Variants in AK9 observed in about 807,000 individuals in gnomAD.
The protein encoded by AK9 is adenylate kinase 9.
Under a neutral mutation model 239.6 loss-of-function variants are expected in AK9, and 191 were observed. That is an observed-to-expected ratio of 0.80 (90% confidence interval 0.71 to 0.90). The LOEUF (loss-of-function observed/expected upper bound fraction) is 0.90, where lower values mean the gene tolerates loss of function less well. Among genes scored for constraint, AK9 ranks in the 40% least tolerant of loss-of-function variants. The pLI, the probability that AK9 is intolerant of heterozygous loss-of-function variation, is 0.00. For synonymous variants in AK9, 689 were observed against 721.0 expected, an observed-to-expected ratio of 0.96 and a Z score of 0.71; for missense variants, 1,995 against 2,214.7, an observed-to-expected ratio of 0.90 and a Z score of 1.99.
At chr6:109,567,077 A>G (rs1009155915) in intron 21 of AK9, among the ~76,000 whole-genome samples, 1 of 152,200 alleles carries the variant, frequency 6.6e-6, no homozygotes, top group Admixed American at 6.5e-5. Flanking sequence ...AATAACTAAG[A>G]TCAGAGCAGA....
At chr6:109,600,850 T>C (rs989654000) in intron 17 of AK9, among the ~76,000 whole-genome samples, 2 of 152,254 alleles carry the variant, frequency 1.3e-5, no homozygotes, top group African/African-American at 4.8e-5. Flanking sequence ...TTCTAAATTT[T>C]CTAGTTTATT....
intron 6 of AK9, chr6:109,660,861 G>T: frequency 2.4e-6 from 1 of 418,124 alleles, no homozygotes; most frequent in Non-Finnish European, 4.7e-6. Context: ...CTAAGCTTCT[G>T]GGTGCTGTTG....
In AK9 at chr6:109,495,335, A is replaced by T; in HGVS notation, c.5418+3T>A. On this transcript the variant is annotated splice_donor_region_variant and intron_variant, in intron 39 of 40. Coordinates refer to ENST00000424296, the MANE Select transcript of AK9 (RefSeq NM_001145128.3). The stretch of plus-strand genomic sequence containing the variant: ...TATATAACAGAAAATTAAGTAAAAG[A>T]ACCTGTTCCAGATATCCAGGCAAAG... 1 of 1,601,780 alleles carries T rather than the reference A, an allele frequency of 6.2e-7. No individual in the cohort carries two copies. Among genetic ancestry groups the T allele is most frequent in the Non-Finnish European group, 8.5e-7 (1 of 1,171,464 alleles).
chr6:109,585,058 C>A, intron 19 of AK9, 65 bp downstream of exon 19: 1 of 905,816 alleles, frequency 1.1e-6, no homozygotes, highest in South Asian at 5.0e-5. Context: ...AGTATAATTG[C>A]AAGAAGATAT....
chr6:109,620,613 C>T (rs1016726474), intron 12 of AK9, among the ~76,000 whole-genome samples: 5 of 151,940 alleles, frequency 3.3e-5, no homozygotes, highest in African/African-American at 1.2e-4. Flanking sequence ...TCCCATTCTG[C>T]TTTTCTTTTG....
chr6:109,686,780 ATATCAAGTGAC>A (rs1773570087), intron 1 of AK9, among the ~76,000 whole-genome samples: 1 of 152,212 alleles, frequency 6.6e-6, no homozygotes, highest in South Asian at 2.1e-4. Context: ...TGGTCATGGG[ATATCAAGTGAC>A]TATGCAACTG....
At position 109,514,219 on chromosome 6, in the gene AK9, C is replaced by T; in HGVS notation, c.4279+5G>A. 6.5e-7 allele frequency: 1 copy of T among 1,548,068 alleles called. No individual in the cohort carries two copies. On this transcript the variant is annotated splice_donor_5th_base_variant and intron_variant, in intron 32 of 40. Transcript: ENST00000424296. Reference sequence around the variant, plus strand: ...TGAGGAAAACAAAGGCAAACATACGCTCACCTGTAGTTTTCCCAGATTTTG... The same window carrying T: ...TGAGGAAAACAAAGGCAAACATACGTTCACCTGTAGTTTTCCCAGATTTTG...
At chr6:109,663,653 G>A (rs887340811) in intron 5 of AK9, among the ~76,000 whole-genome samples, 2 of 152,174 alleles carry the variant, frequency 1.3e-5, no homozygotes, top group African/African-American at 2.4e-5. Flanking sequence ...TGGAAGATCT[G>A]TATAACTCAG....
At chr6:109,557,709 A>C (rs1785174539) in intron 24 of AK9, among the ~76,000 whole-genome samples, 1 of 152,224 alleles carries the variant, frequency 6.6e-6, no homozygotes, top group South Asian at 2.1e-4. Flanking sequence ...ACCACTCATC[A>C]AGTCTTTGAA....
chr6:109,599,360 G>C (rs1378947615), intron 17 of AK9, among the ~76,000 whole-genome samples: 4 of 152,104 alleles, frequency 2.6e-5, no homozygotes, highest in Non-Finnish European at 5.9e-5. Flanking sequence ...GTTTTTGTCA[G>C]GTTTGTCAAA....
rs745403095 is a variant in AK9, at chr6:109,675,768, A to G, written c.-11-12T>C. On this transcript the variant is annotated splice_polypyrimidine_tract_variant and intron_variant, in intron 1 of 40. Coordinates refer to ENST00000424296, the MANE Select transcript of AK9 (RefSeq NM_001145128.3). ...CATGACACAAAATACTACAATAAAA[A>G]AGGGTAAGATTGTTAACTTGTCTAA... is the stretch of plus-strand genomic sequence containing the variant. 2 of 1,452,874 alleles carry G rather than the reference A, an allele frequency of 1.4e-6. No individual in the cohort carries two copies. The highest frequency in any genetic ancestry group is 1.9e-6 in the Non-Finnish European group (2 of 1,057,878). The allele number at this position is 1,452,874 out of a possible 1,614,324, so 90.0% of individuals were successfully genotyped here.
At position 109,493,996 on chromosome 6, in the gene AK9, C is replaced by CTA; in HGVS notation, c.5516_5517dup (p.Ala1840Ter). On this transcript the variant is annotated frameshift_variant, in exon 40 of 41. Transcript: ENST00000424296. LOFTEE classifies it high-confidence loss of function. ...AAAGACATACCTTTGAGATGAAGTG[C>CTA]TATATATAGCAGTGCAGATCTCCTT... is the stretch of plus-strand genomic sequence containing the variant. The CTA allele has an allele frequency of 6.2e-7, 1 of 1,606,350 alleles. No homozygotes were observed. Among genetic ancestry groups the CTA allele is most frequent in the Non-Finnish European group, 8.5e-7 (1 of 1,174,350 alleles).
chr6:109,542,045 A>T lies in AK9; in HGVS notation c.3350+2T>A. ...TGTACAATTCTATATAAATTAAGATACCGTATTGGTTCCTTAAGCCACCAC... is the reference window on the plus strand; with the variant it reads ...TGTACAATTCTATATAAATTAAGATTCCGTATTGGTTCCTTAAGCCACCAC... On this transcript the variant is annotated splice_donor_variant, in intron 27 of 40. Transcript: ENST00000424296. LOFTEE classifies it high-confidence loss of function. 1 of 1,573,778 alleles carries T rather than the reference A, an allele frequency of 6.4e-7. No individual in the cohort carries two copies. The highest frequency in any genetic ancestry group is 8.6e-7 in the Non-Finnish European group (1 of 1,159,596).
intron 10 of AK9, among the ~76,000 whole-genome samples, chr6:109,638,739 T>G (rs554447918): frequency 6.6e-6 from 1 of 152,196 alleles, no homozygotes; most frequent in Non-Finnish European, 1.5e-5. Flanking sequence ...GCCATGGTGG[T>G]CTGATGCACC....
intron 5 of AK9, among the ~76,000 whole-genome samples, chr6:109,669,551 A>G (rs1362608362): frequency 6.6e-6 from 1 of 152,174 alleles, no homozygotes; most frequent in Admixed American, 6.6e-5. Context: ...AATTATGATT[A>G]GATACATCCC....
rs1382807160 is a variant in AK9, at chr6:109,633,084, A to G, written c.1093T>C (p.Cys365Arg). ...YSVSFLGKIYCLSSEEALKPF... is the reference protein window; with the variant it reads ...YSVSFLGKIYRLSSEEALKPF... The stretch of plus-strand genomic sequence containing the variant: ...TTTAATGCTTCTTCTGATGAAAGAC[A>G]GTAGATTTTACCTAGAAAACTTAAA... The change falls in exon 12 of 41, where the codon TGT becomes CGT. Residue 365 changes from cysteine to arginine, a missense_variant. Coordinates refer to ENST00000424296, the MANE Select transcript of AK9 (RefSeq NM_001145128.3). 4.5e-6 allele frequency: 7 copies of G among 1,548,850 alleles called. No homozygotes were observed. The highest frequency in any genetic ancestry group is 1.4e-5 in the African/African-American group (1 of 72,098).
At chr6:109,504,895 G>A (rs950363142) in intron 35 of AK9, among the ~76,000 whole-genome samples, 1 of 152,182 alleles carries the variant, frequency 6.6e-6, no homozygotes, top group African/African-American at 2.4e-5. Flanking sequence ...ACTTCTGCAC[G>A]TGACTTTTCA....
intron 29 of AK9, among the ~76,000 whole-genome samples, chr6:109,525,657 T>C (rs565426734): frequency 3.9e-5 from 6 of 152,106 alleles, no homozygotes; most frequent in Admixed American, 2.6e-4. Flanking sequence ...AGTCAGAAAA[T>C]AACAGATGTT....
At chr6:109,615,962 A>G (rs1348433457) in intron 13 of AK9, among the ~76,000 whole-genome samples, 1 of 152,078 alleles carries the variant, frequency 6.6e-6, no homozygotes, top group Non-Finnish European at 1.5e-5. Context: ...GAAACTAGGC[A>G]CAGCGGCTCA....
Sources: gnomAD v4.1 joint callset for allele counts (sites outside exome capture counted in the v4.1 genomes callset) on GRCh38, gnomAD v4.1.1 for gene constraint, MANE v1.5 for transcripts, NCBI Gene and HGNC (gene_info 2026-07-23, HGNC 2026-07-21) for gene names.